ROBO2: variants seen among roughly 807,000 people sequenced by gnomAD.
The protein encoded by ROBO2 is roundabout guidance receptor 2, also known as roundabout homolog 2.
In ROBO2, 53 loss-of-function variants were observed where a neutral mutation model predicts 160.8. The ratio of observed to expected loss-of-function variants is 0.33; its 90% CI spans 0.26 to 0.41. ROBO2 has a LOEUF of 0.41. Among genes scored for constraint, ROBO2 ranks in the 10% least tolerant of loss-of-function variants. ROBO2 has a pLI of 1.00. For synonymous variants in ROBO2, 664 were observed against 611.7 expected (o/e 1.09, Z -1.26); for missense variants, 1,577 against 1,722.4 (o/e 0.92, Z 1.49).
At chr3:76,182,303 A>G (rs779946722) in intron 2 of ROBO2, among the ~76,000 whole-genome samples, 1 of 152,140 alleles carries the variant, frequency 6.6e-6, no homozygotes, top group Non-Finnish European at 1.5e-5. Context: ...GAACACATAT[A>G]TCCTTTAATT....
intron 2 of ROBO2, among the ~76,000 whole-genome samples, chr3:76,010,039 A>G (rs915586957): frequency 3.3e-5 from 5 of 152,328 alleles, no homozygotes; most frequent in African/African-American, 9.6e-5. Context: ...CCTGGAAAGC[A>G]CATTGAAAGT....
Position 76,367,903 on chromosome 3 carries a change from ATATT to A in ROBO2, c.109+430306_109+430309del, listed in dbSNP as rs200824869. Among the ~76,000 whole-genome samples the A allele has an allele frequency of 5.0e-3, 756 of 151,744 alleles. 7 individuals carry two copies. Among genetic ancestry groups the A allele is most frequent in the Admixed American group, 0.025 (378 of 15,224 alleles). ...AATATTTATCAATACACAGTGATAT[ATATT>A]TATTATTATTTATATTTATAAAGAA... On this transcript the variant is annotated intron_variant, in intron 2 of 26. Coordinates refer to the ROBO2 transcript ENST00000487694.
chr3:77,564,892 C>A, intron 11 of ROBO2, 62 bp from the exon 13 acceptor site: 1 of 1,489,662 alleles, frequency 6.7e-7, no homozygotes, highest in South Asian at 1.2e-5. Context: ...TCATTGATAC[C>A]CAACTCCATT....
intron 23 of ROBO2, among the ~76,000 whole-genome samples, chr3:77,628,012 CATG>C (rs1583379669): frequency 6.6e-6 from 1 of 152,120 alleles, no homozygotes; most frequent in African/African-American, 2.4e-5. Context: ...GCCACTTTAT[CATG>C]ATATTTTACT....
At chr3:77,218,150 G>A (rs1432710613) in intron 2 of ROBO2, among the ~76,000 whole-genome samples, 1 of 152,108 alleles carries the variant, frequency 6.6e-6, no homozygotes, top group African/African-American at 2.4e-5. Flanking sequence ...CATCATGTAT[G>A]GATGTGTTCA....
At chr3:76,789,943 C>T (rs1250773368) in intron 2 of ROBO2, among the ~76,000 whole-genome samples, 3 of 151,562 alleles carry the variant, frequency 2.0e-5, no homozygotes, top group Non-Finnish European at 3.0e-5. Flanking sequence ...ATTTAGAATA[C>T]GATGTTAATT....
chr3:75,929,449 C>G (rs939935151), intron 1 of ROBO2, among the ~76,000 whole-genome samples: 2 of 152,152 alleles, frequency 1.3e-5, no homozygotes, highest in Admixed American at 6.5e-5. Context: ...TAAAACAAAA[C>G]TTGCTTGATA....
In ROBO2 at chr3:77,164,185, C is replaced by T. The variant is rs114923168; in HGVS notation, c.388+65845C>T. On this transcript the variant is annotated intron_variant, in intron 2 of 25. Transcript: ENST00000461745. ...TTGTATTGTTTCTTGTAGCTGGGTA[C>T]GAATCTACAATTATCTCAAAATAAA... 2.1e-3 allele frequency among the ~76,000 whole-genome samples: 324 copies of T among 152,112 alleles called. 1 individual carries two copies. Among genetic ancestry groups the T allele is most frequent in the African/African-American group, 7.4e-3 (308 of 41,500 alleles).
intron 20 of ROBO2, chr3:77,602,917 C>G (rs777183348): frequency 6.5e-6 from 3 of 459,152 alleles, no homozygotes; most frequent in South Asian, 4.6e-5. Flanking sequence ...ACTATGACCT[C>G]TGCCCTTTAA....
intron 2 of ROBO2, among the ~76,000 whole-genome samples, chr3:76,392,229 A>T (rs946946056): frequency 6.6e-6 from 1 of 152,164 alleles, no homozygotes; most frequent in African/African-American, 2.4e-5. Context: ...TATTGCAATG[A>T]CTTTCTATAA....
At chr3:76,120,559 A>C (rs1165395193) in intron 2 of ROBO2, among the ~76,000 whole-genome samples, 3 of 152,152 alleles carry the variant, frequency 2.0e-5, no homozygotes, top group Admixed American at 1.3e-4. Flanking sequence ...TGAGATACTT[A>C]GTTTAATCAA....
intron 2 of ROBO2, among the ~76,000 whole-genome samples, chr3:76,361,211 G>A (rs1576661833): frequency 6.6e-6 from 1 of 152,034 alleles, no homozygotes; most frequent in East Asian, 1.9e-4. Context: ...TATCAAACCA[G>A]CAAGCAAGGG....
intron 1 of ROBO2, among the ~76,000 whole-genome samples, chr3:77,057,280 G>T (rs1434193957): frequency 1.3e-5 from 2 of 152,066 alleles, no homozygotes; most frequent in Non-Finnish European, 2.9e-5. Flanking sequence ...TTGGACACAG[G>T]GTGGGGAACA....
intron 2 of ROBO2, among the ~76,000 whole-genome samples, chr3:76,986,172 A>C (rs1374799546): frequency 1.3e-5 from 2 of 152,188 alleles, no homozygotes; most frequent in African/African-American, 4.8e-5. Context: ...AATGGTTCCA[A>C]GTACTAAAAG....
intron 2 of ROBO2, among the ~76,000 whole-genome samples, chr3:77,016,008 G>A (rs925843002): frequency 6.6e-6 from 1 of 151,092 alleles, no homozygotes; most frequent in African/African-American, 2.4e-5. Flanking sequence ...ACAGAGCCTT[G>A]CTCTGTCGCC....
intron 2 of ROBO2, among the ~76,000 whole-genome samples, chr3:77,205,359 A>AC (rs1423662894): frequency 1.3e-5 from 2 of 151,250 alleles, no homozygotes; most frequent in African/African-American, 4.9e-5. Context: ...CTCTCTGAGC[A>AC]CCCCCAGCAG....
chr3:76,011,043 T>C (rs2066175932), intron 2 of ROBO2, among the ~76,000 whole-genome samples: 1 of 152,158 alleles, frequency 6.6e-6, no homozygotes. Context: ...TTTTTTAACC[T>C]TGGGTTTCAA....
At chr3:76,752,792 T>C (rs2060750267) in intron 2 of ROBO2, among the ~76,000 whole-genome samples, 1 of 148,290 alleles carries the variant, frequency 6.7e-6, no homozygotes, top group Non-Finnish European at 1.5e-5. Context: ...TCAGAATCTT[T>C]AAGGGAATAT....
At position 77,386,727 on chromosome 3, in the gene ROBO2, G is replaced by A. The variant is rs577886339; in HGVS notation, c.389-90687G>A. On this transcript the variant is annotated intron_variant, in intron 2 of 25. Coordinates refer to ENST00000461745, the Ensembl canonical transcript of ROBO2. Reference sequence around the variant, plus strand: ...AAGTGATTCTCGTGCCTCGGCCTCCGGAGTAGCTGGGATTACAGGCGCCCA... The same window carrying A: ...AAGTGATTCTCGTGCCTCGGCCTCCAGAGTAGCTGGGATTACAGGCGCCCA... 1.6e-4 allele frequency among the ~76,000 whole-genome samples: 24 copies of A among 148,834 alleles called. No homozygotes were observed. In the South Asian group the frequency reaches 3.0e-3, roughly 19 times the overall value.
Sources: allele counts gnomAD v4.1 joint callset (sites outside exome capture counted in the v4.1 genomes callset), GRCh38; gene constraint gnomAD v4.1.1; transcripts MANE v1.5; gene names NCBI Gene and HGNC (gene_info 2026-07-23, HGNC 2026-07-21).